Variants in ITGA1 observed in about 807,000 individuals in gnomAD.
The protein encoded by ITGA1 is integrin alpha-1.
A neutral mutation model predicts 145.9 loss-of-function variants in ITGA1; 85 were observed. The observed-to-expected ratio is 0.58, with a 90% CI of 0.49 to 0.70. The LOEUF is 0.70. Ranked by LOEUF, ITGA1 falls within the 30% of genes least tolerant of loss-of-function variation. ITGA1 has a pLI of 0.00. For missense variants in ITGA1, 1,351 were observed against 1,418.7 expected (o/e 0.95, Z 0.77); for synonymous variants, 520 against 495.3 (o/e 1.05, Z -0.66).
chr5:52,854,613 A>G (rs1749479387), intron 2 of ITGA1, among the ~76,000 whole-genome samples: 1 of 152,202 alleles, frequency 6.6e-6, no homozygotes, highest in African/African-American at 2.4e-5. Flanking sequence ...TTAGACATCA[A>G]GGCAGAGTTA....
chr5:52,908,673 G>A (rs1750448087), intron 12 of ITGA1, among the ~76,000 whole-genome samples: 1 of 152,210 alleles, frequency 6.6e-6, no homozygotes, highest in African/African-American at 2.4e-5. Context: ...GTCAAGCGAT[G>A]AAATCTGTAA....
At chr5:52,880,658 G>A (rs1213439128) in intron 6 of ITGA1, among the ~76,000 whole-genome samples, 1 of 152,206 alleles carries the variant, frequency 6.6e-6, no homozygotes. Context: ...GCAAGTAACA[G>A]AGGCAACTTC....
chr5:52,874,238 C>T (rs984443761), intron 6 of ITGA1, among the ~76,000 whole-genome samples: 6 of 152,094 alleles, frequency 3.9e-5, no homozygotes, highest in Non-Finnish European at 7.4e-5. Context: ...GAGGCAGCCT[C>T]GCTTTGTAAC....
At chr5:52,944,823 A>C (rs542375678) in intron 26 of ITGA1, 120 bp from the exon 27 acceptor site, 1 of 676,396 alleles carries the variant, frequency 1.5e-6, no homozygotes, top group Admixed American at 2.6e-5. Flanking sequence ...GAAGTTAACA[A>C]AACTGGAATT....
chr5:52,834,864 G>A (rs935075925), intron 1 of ITGA1, among the ~76,000 whole-genome samples: 3 of 152,054 alleles, frequency 2.0e-5, no homozygotes, highest in Admixed American at 6.6e-5. Context: ...TCACTTTAGC[G>A]GTTAGGGCTT....
At chr5:52,920,244 T>A (rs1579720836) in intron 16 of ITGA1, 88 bp from the exon 17 acceptor site, 1 of 1,036,974 alleles carries the variant, frequency 9.6e-7, no homozygotes, top group African/African-American at 1.6e-5. Flanking sequence ...CAAAGAGATT[T>A]TTCTATAATG....
intron 2 of ITGA1, among the ~76,000 whole-genome samples, chr5:52,849,799 G>T (rs1170026936): frequency 6.6e-6 from 1 of 152,126 alleles, no homozygotes; most frequent in Non-Finnish European, 1.5e-5. Flanking sequence ...TCATTTCAGA[G>T]TAGCTTAAAT....
At position 52,946,741 on chromosome 5, in the gene ITGA1, G is replaced by C. The variant is rs548106520; in HGVS notation, c.3379-604G>C. ...TAAAAGCGGTCCATTTTACAGCTTTGCTTCAGTTAAAACCTGATTTATACA... is the reference window on the plus strand; with the variant it reads ...TAAAAGCGGTCCATTTTACAGCTTTCCTTCAGTTAAAACCTGATTTATACA... On this transcript the variant is annotated intron_variant, in intron 27 of 28. Transcript: ENST00000282588. Among the ~76,000 whole-genome samples the C allele has an allele frequency of 2.5e-3, 387 of 152,250 alleles. 1 individual carries two copies. Among genetic ancestry groups the C allele is most frequent in the Non-Finnish European group, 4.0e-3 (272 of 68,008 alleles).
At chr5:52,878,457 A>G (rs1749901444) in intron 6 of ITGA1, among the ~76,000 whole-genome samples, 1 of 152,174 alleles carries the variant, frequency 6.6e-6, no homozygotes, top group Non-Finnish European at 1.5e-5. Context: ...ATTTTTCCGG[A>G]CAATCCAATG....
chr5:52,849,622 T>C, intron 2 of ITGA1, 137 bp downstream of exon 2: 3 of 777,462 alleles, frequency 3.9e-6, no homozygotes, highest in Non-Finnish European at 5.5e-6. Context: ...TCTAGTCATT[T>C]GGCAATGGAA....
intron 1 of ITGA1, among the ~76,000 whole-genome samples, chr5:52,804,534 C>T (rs1237659856): frequency 6.6e-6 from 1 of 152,136 alleles, no homozygotes; most frequent in Non-Finnish European, 1.5e-5. Context: ...CTTTGTAAAG[C>T]TCATTTTTCT....
At chr5:52,889,315 C>T (rs1316877852) in intron 8 of ITGA1, among the ~76,000 whole-genome samples, 5 of 152,062 alleles carry the variant, frequency 3.3e-5, no homozygotes, top group East Asian at 1.9e-4. Flanking sequence ...TTGGTCGGGC[C>T]GGTCTTGAAC....
chr5:52,934,595 C>CA (rs1400247053), intron 23 of ITGA1, among the ~76,000 whole-genome samples: 1 of 151,740 alleles, frequency 6.6e-6, no homozygotes, highest in Non-Finnish European at 1.5e-5. Context: ...TCCTTCATAA[C>CA]AAACTCTATA....
At chr5:52,913,796 CAT>C (rs767806851) in intron 14 of ITGA1, among the ~76,000 whole-genome samples, 6 of 152,158 alleles carry the variant, frequency 3.9e-5, no homozygotes, top group African/African-American at 1.2e-4. Context: ...GTAATGCAAA[CAT>C]GAGTGATTTT....
At chr5:52,795,085 C>G (rs1032072936) in intron 1 of ITGA1, among the ~76,000 whole-genome samples, 4 of 151,754 alleles carry the variant, frequency 2.6e-5, no homozygotes, top group African/African-American at 9.7e-5. Flanking sequence ...AATGTGATTT[C>G]CTAATTTTAG....
chr5:52,937,953 T>C (rs201505747), intron 24 of ITGA1, among the ~76,000 whole-genome samples: 2 of 131,534 alleles, frequency 1.5e-5, no homozygotes, highest in East Asian at 2.5e-4. Flanking sequence ...CCTTCTCTCT[T>C]TGTGTTTCTG....
intron 1 of ITGA1, among the ~76,000 whole-genome samples, chr5:52,805,848 G>T (rs1748580831): frequency 6.6e-6 from 1 of 152,020 alleles, no homozygotes; most frequent in South Asian, 2.1e-4. Context: ...CTGAACTGTG[G>T]CATCAATTTT....
intron 20 of ITGA1, among the ~76,000 whole-genome samples, chr5:52,928,752 G>A (rs1198515702): frequency 2.6e-5 from 4 of 152,360 alleles, no homozygotes; most frequent in South Asian, 4.1e-4. Context: ...GAGCTGAGGA[G>A]AGGAAGTTGA....
At chr5:52,836,210 T>C (rs531626623) in intron 1 of ITGA1, among the ~76,000 whole-genome samples, 3 of 152,334 alleles carry the variant, frequency 2.0e-5, no homozygotes, top group Admixed American at 6.5e-5. Context: ...GAGCAGCACA[T>C]GTGTCTCTTT....
Sources: gnomAD v4.1 joint callset for allele counts (sites outside exome capture counted in the v4.1 genomes callset) on GRCh38, gnomAD v4.1.1 for gene constraint, MANE v1.5 for transcripts, NCBI Gene and HGNC (gene_info 2026-07-23, HGNC 2026-07-21) for gene names.